The following GPM6A variants were observed in gnomAD, a reference collection of about 807,000 sequenced individuals.
GPM6A encodes glycoprotein M6A.
GPM6A carries 7 observed loss-of-function variants against 32.1 expected under a neutral mutation model. That is an observed-to-expected ratio of 0.22 (90% CI 0.12 to 0.41). GPM6A has a LOEUF of 0.41. GPM6A is among the 10% of genes least tolerant of loss of function. The probability of loss-of-function intolerance (pLI) is 1.00; values close to 1 mark genes in which losing one functional copy is unlikely to be tolerated. For missense variants in GPM6A, 235 were observed against 347.2 expected (o/e 0.68, Z 2.57); for synonymous variants, 130 against 123.4 (o/e 1.05, Z -0.35).
At chr4:175,692,234 G>T (rs1359799049) in intron 2 of GPM6A, among the ~76,000 whole-genome samples, 1 of 152,104 alleles carries the variant, frequency 6.6e-6, no homozygotes. Context: ...TCTCAGTCTA[G>T]ATTTCTTCCC....
At chr4:175,731,900 T>A (rs1017426397) in intron 1 of GPM6A, among the ~76,000 whole-genome samples, 2 of 151,826 alleles carry the variant, frequency 1.3e-5, no homozygotes, top group East Asian at 3.9e-4. Context: ...CACTGGCTGT[T>A]CCTTGTACCT....
chr4:175,817,994 C>T (rs989495553), intron 1 of GPM6A, among the ~76,000 whole-genome samples: 2 of 152,112 alleles, frequency 1.3e-5, no homozygotes, highest in African/African-American at 2.4e-5. Flanking sequence ...AATTACCTTT[C>T]GGGTATCTTA....
At chr4:175,747,269 C>CAA (rs5864346) in intron 1 of GPM6A, among the ~76,000 whole-genome samples, 216 of 109,370 alleles carry the variant, frequency 2.0e-3, no homozygotes, top group African/African-American at 5.7e-3. Flanking sequence ...ACTCCATCTC[C>CAA]AAAAAAAAAA....
chr4:175,697,677 A>G (rs1579397232), intron 2 of GPM6A, among the ~76,000 whole-genome samples: 1 of 152,176 alleles, frequency 6.6e-6, no homozygotes, highest in African/African-American at 2.4e-5. Flanking sequence ...AGTTATACAA[A>G]TGACTATAAA....
At chr4:175,791,255 G>A (rs1734003623) in intron 1 of GPM6A, among the ~76,000 whole-genome samples, 1 of 152,122 alleles carries the variant, frequency 6.6e-6, no homozygotes, top group Non-Finnish European at 1.5e-5. Flanking sequence ...AGATATTCTT[G>A]TTCTAGCAAG....
At chr4:175,668,522 T>A (rs1351142736) in intron 3 of GPM6A, among the ~76,000 whole-genome samples, 4 of 150,554 alleles carry the variant, frequency 2.7e-5, no homozygotes, top group Middle Eastern at 6.8e-3. Flanking sequence ...AACGTTTATG[T>A]GTGTGTGTGT....
intron 3 of GPM6A, among the ~76,000 whole-genome samples, chr4:175,660,678 C>T (rs748571976): frequency 5.3e-5 from 8 of 152,066 alleles, no homozygotes; most frequent in Admixed American, 4.6e-4. Context: ...AGGGTAACCA[C>T]GGGTGAGCTA....
intron 5 of GPM6A, 89 bp downstream of exon 5, chr4:175,640,661 AGTC>A (rs1178410927): frequency 1.2e-6 from 1 of 868,524 alleles, no homozygotes; most frequent in African/African-American, 1.7e-5. Context: ...TAAAGGGAAA[AGTC>A]AATATAGATT....
At position 175,640,175 on chromosome 4, in the gene GPM6A, A is replaced by G; in HGVS notation, c.638T>C (p.Leu213Ser). Residue 213 changes from leucine (L) to serine (S), a missense_variant, in exon 6 of 7, where the codon TTG (leucine) becomes TCG (serine). Transcript: ENST00000393658. ...AGCTCCAGCAAGTGCCACAATAAAC[A>G]AGTGGAAGGTCATGTTCAGCTGCAA... is the stretch of plus-strand genomic sequence containing the variant. ...ESTELNMTFH[L>S]FIVALAGAGA... 6.2e-7 allele frequency: 1 copy of G among 1,613,738 alleles called. No homozygotes were observed. Among genetic ancestry groups the G allele is most frequent in the Non-Finnish European group, 8.5e-7 (1 of 1,179,654 alleles).
intron 1 of GPM6A, among the ~76,000 whole-genome samples, chr4:175,712,741 G>A (rs944529947): frequency 3.9e-5 from 6 of 152,090 alleles, no homozygotes; most frequent in South Asian, 2.1e-4. Flanking sequence ...GCATGGGCAC[G>A]GAATCACTAC....
At chr4:175,655,501 T>G (rs1171365031) in intron 3 of GPM6A, among the ~76,000 whole-genome samples, 1 of 152,068 alleles carries the variant, frequency 6.6e-6, no homozygotes, top group East Asian at 1.9e-4. Context: ...AAGCATATCA[T>G]GGATATATAT....
intron 1 of GPM6A, among the ~76,000 whole-genome samples, chr4:175,763,496 C>T (rs1336481165): frequency 6.6e-6 from 1 of 152,148 alleles, no homozygotes; most frequent in African/African-American, 2.4e-5. Context: ...CATAAACCCA[C>T]TTAAGGACCA....
intron 1 of GPM6A, 157 bp downstream of exon 1, chr4:175,812,034 G>T: frequency 1.7e-6 from 1 of 575,532 alleles, no homozygotes; most frequent in Non-Finnish European, 3.1e-6. Flanking sequence ...ATTCGTGCCA[G>T]ACATTACTGC....
intron 1 of GPM6A, among the ~76,000 whole-genome samples, chr4:175,870,712 C>G (rs993618948): frequency 1.3e-5 from 2 of 152,042 alleles, no homozygotes; most frequent in African/African-American, 4.8e-5. Context: ...AACTATCTCT[C>G]TTTTCTTCTG....
intron 1 of GPM6A, among the ~76,000 whole-genome samples, chr4:175,914,250 C>A (rs750090981): frequency 1.4e-4 from 22 of 152,272 alleles, no homozygotes; most frequent in South Asian, 6.2e-4. Flanking sequence ...CCACATGCTG[C>A]ATGTGGAAAG....
chr4:175,879,580 A>G (rs975962770), intron 1 of GPM6A, among the ~76,000 whole-genome samples: 5 of 152,100 alleles, frequency 3.3e-5, no homozygotes, highest in African/African-American at 1.2e-4. Context: ...GTATGGCGGA[A>G]ACTGTCCCCA....
chr4:175,821,081 G>A (rs1330771615), intron 1 of GPM6A, among the ~76,000 whole-genome samples: 1 of 152,134 alleles, frequency 6.6e-6, no homozygotes, highest in Admixed American at 6.5e-5. Flanking sequence ...GCCCTTCAAA[G>A]TGCTTGTGCC....
At chr4:175,706,646 G>A (rs1405718727) in intron 1 of GPM6A, among the ~76,000 whole-genome samples, 1 of 152,156 alleles carries the variant, frequency 6.6e-6, no homozygotes, top group Non-Finnish European at 1.5e-5. Flanking sequence ...TGTCTATTCT[G>A]TCCCATTAGT....
Position 175,636,295 on chromosome 4 carries a change from T to TATATATATATAC in GPM6A, c.685-1239_685-1238insGTATATATATAT, listed in dbSNP as rs201852466. ...ATATATATATATATATATATATATATATACATATATATATGGATTAAATAA... is the reference window on the plus strand; with the variant it reads ...ATATATATATATATATATATATATATATATATATATACATACATATATATATGGATTAAATAA... On this transcript the variant is annotated intron_variant, in intron 6 of 6. Coordinates refer to ENST00000393658, the MANE Select transcript of GPM6A (RefSeq NM_201591.3). Among the ~76,000 whole-genome samples, 59 of 133,380 alleles carry TATATATATATAC rather than the reference T, an allele frequency of 4.4e-4. 1 individual carries two copies. The highest frequency in any genetic ancestry group is 6.0e-4 in the Non-Finnish European group (38 of 63,146). The allele number at this position is 133,380 out of a possible 152,430, so 87.5% of individuals were successfully genotyped here.
Sources: allele counts gnomAD v4.1 joint callset (sites outside exome capture counted in the v4.1 genomes callset), GRCh38; gene constraint gnomAD v4.1.1; transcripts MANE v1.5; gene names NCBI Gene and HGNC (gene_info 2026-07-23, HGNC 2026-07-21).